TP53INP2: variants seen among roughly 807,000 people sequenced by gnomAD.
TP53INP2 encodes tumor protein p53 inducible nuclear protein 2, also known as tumor protein p53-inducible nuclear protein 2.
Under a neutral mutation model 17.1 loss-of-function variants are expected in TP53INP2, and 12 were observed. The ratio of observed to expected loss-of-function variants is 0.70; its 90% CI spans 0.45 to 1.14. The LOEUF (loss-of-function observed/expected upper bound fraction) is 1.14. Among genes scored for constraint, TP53INP2 ranks in the 50% most tolerant of loss-of-function variants. The pLI is 0.00. For missense variants in TP53INP2, 342 were observed against 330.9 expected (o/e 1.03, Z -0.26); for synonymous variants, 145 against 147.3 (o/e 0.98, Z 0.12).
Position 34,708,776 on chromosome 20 carries a change from C to T in TP53INP2, c.37C>T (p.Pro13Ser). 1 of 1,601,172 alleles carries T rather than the reference C, an allele frequency of 6.2e-7. No homozygotes were observed. The highest frequency in any genetic ancestry group is 8.5e-7 in the Non-Finnish European group (1 of 1,173,976). Reference sequence around the variant, plus strand: ...CCTCTCCAGCCTCTTCTTCAGCACCCCCTCGCCCCCCGAAGACCCCGACTG... The same window carrying T: ...CCTCTCCAGCCTCTTCTTCAGCACCTCCTCGCCCCCCGAAGACCCCGACTG... ...QRLSSLFFSTPSPPEDPDCPR... is the reference protein window; with the variant it reads ...QRLSSLFFSTSSPPEDPDCPR... The change falls in exon 3 of 5, where the codon CCC becomes TCC. Residue 13 changes from proline (P) to serine (S), a missense_variant. Pro to Ser is a moderately conservative substitution (Grantham distance 74, BLOSUM62 -1). Coordinates refer to ENST00000374810, the MANE Select transcript of TP53INP2 (RefSeq NM_021202.3).
At position 34,708,787 on chromosome 20, in the gene TP53INP2, C is replaced by G. The variant is rs1988061737; in HGVS notation, c.48C>G (p.Pro16=). 1 of 1,609,756 alleles carries G rather than the reference C, an allele frequency of 6.2e-7. No individual in the cohort carries two copies. The highest frequency in any genetic ancestry group is 1.1e-5 in the South Asian group (1 of 90,288). The change falls in exon 3 of 5, where the codon CCC becomes CCG. Residue 16 remains proline (P), a synonymous_variant. Transcript: ENST00000374810. ...SSLFFSTPSP[P]EDPDCPRAFV... Reference sequence around the variant, plus strand: ...TCTTCTTCAGCACCCCCTCGCCCCCCGAAGACCCCGACTGCCCCCGCGCCT... The same window carrying G: ...TCTTCTTCAGCACCCCCTCGCCCCCGGAAGACCCCGACTGCCCCCGCGCCT...
At chr20:34,707,366 T>G (rs1161775200) in intron 2 of TP53INP2, among the ~76,000 whole-genome samples, 1 of 152,132 alleles carries the variant, frequency 6.6e-6, no homozygotes, top group Non-Finnish European at 1.5e-5. Flanking sequence ...TGGTAGCAGT[T>G]CTATGGGATT....
In TP53INP2 at chr20:34,710,477, C is replaced by A; in HGVS notation, c.*170C>A. On this transcript the variant is annotated 3_prime_UTR_variant, in exon 5 of 5. Coordinates refer to ENST00000374810, the MANE Select transcript of TP53INP2 (RefSeq NM_021202.3). The surrounding 1 kb of genome is among the most constrained non-coding windows in gnomAD (Gnocchi z 4.9). ...CCCCATCTCTGATCCTCTAATCTGC[C>A]TCTGAACCCATTCACCCTTCACCCT... The A allele has an allele frequency of 1.4e-6, 1 of 719,890 alleles. No individual in the cohort carries two copies. Among genetic ancestry groups the A allele is most frequent in the Non-Finnish European group, 1.9e-6 (1 of 518,180 alleles). 44.6% of individuals were successfully genotyped at this position (719,890 alleles called of 1,614,324 possible). A position where few individuals can be genotyped will look rare whatever the true frequency, so the allele number is the denominator to read the frequency against.
In TP53INP2 at chr20:34,710,518, T is replaced by C. The variant is rs1988161422; in HGVS notation, c.*211T>C. On this transcript the variant is annotated 3_prime_UTR_variant, in exon 5 of 5. Transcript: ENST00000374810. This position sits in a 1 kb window ranked among gnomAD's most constrained non-coding sequence, Gnocchi z 4.9. Reference sequence around the variant, plus strand: ...CCTTCACCCTCACTCCTGGTCCCCATACCCAGCATCTAATCATCCATGCCC... The same window carrying C: ...CCTTCACCCTCACTCCTGGTCCCCACACCCAGCATCTAATCATCCATGCCC... 2 of 448,468 alleles carry C rather than the reference T, an allele frequency of 4.5e-6. No homozygotes were observed. Among genetic ancestry groups the C allele is most frequent in the East Asian group, 7.4e-5 (2 of 26,980 alleles). The allele number at this position is 448,468 out of a possible 1,614,324, so 27.8% of individuals were successfully genotyped here.
intron 2 of TP53INP2, among the ~76,000 whole-genome samples, chr20:34,706,814 C>T (rs1045787882): frequency 1.3e-5 from 2 of 152,186 alleles, no homozygotes; most frequent in African/African-American, 2.4e-5. Context: ...GAAGTCTGGA[C>T]ATGCCCCCAG....
intron 2 of TP53INP2, among the ~76,000 whole-genome samples, chr20:34,707,476 G>T (rs1313445415): frequency 6.6e-6 from 1 of 152,108 alleles, no homozygotes; most frequent in Non-Finnish European, 1.5e-5. Flanking sequence ...GAAAACCAAG[G>T]TCCTTTTTCC....
chr20:34,707,368 T>C (rs189081792), intron 2 of TP53INP2, among the ~76,000 whole-genome samples: 114 of 152,320 alleles, frequency 7.5e-4, no homozygotes, highest in Non-Finnish European at 1.4e-3. Context: ...GTAGCAGTTC[T>C]ATGGGATTTC....
rs1387298018 is a variant in TP53INP2 at position 34,709,046 on chromosome 20, G to A, written c.124+183G>A. Among the ~76,000 whole-genome samples the A allele has an allele frequency of 2.6e-5, 4 of 152,046 alleles. No individual in the cohort carries two copies. Among genetic ancestry groups the A allele is most frequent in the East Asian group, 1.9e-4 (1 of 5,138 alleles). Reference sequence around the variant, plus strand: ...CTGGCGGCCCAGGAGAGGCCCGCACGTCAGGTCCCCTAGGGCAGCAGGGCG... The same window carrying A: ...CTGGCGGCCCAGGAGAGGCCCGCACATCAGGTCCCCTAGGGCAGCAGGGCG... On this transcript the variant is annotated intron_variant, in intron 3 of 4. Transcript: ENST00000374810. This position sits in a 1 kb window ranked among gnomAD's most constrained non-coding sequence, Gnocchi z 5.4.
chr20:34,708,622 C>G, intron 2 of TP53INP2, 69 bp from the exon 3 acceptor site: 1 of 910,208 alleles, frequency 1.1e-6, no homozygotes, highest in East Asian at 2.7e-5. Context: ...TATCTTCTGG[C>G]CTCTTCCCCA....
chr20:34,708,034 T>A (rs1988039508), intron 2 of TP53INP2, among the ~76,000 whole-genome samples: 1 of 152,168 alleles, frequency 6.6e-6, no homozygotes, highest in South Asian at 2.1e-4. Context: ...GTGCTGGGAT[T>A]ACAGGCGTGA....
At chr20:34,707,605 T>G (rs1988031107) in intron 2 of TP53INP2, among the ~76,000 whole-genome samples, 1 of 152,172 alleles carries the variant, frequency 6.6e-6, no homozygotes, top group Non-Finnish European at 1.5e-5. Context: ...TGGAATCTGA[T>G]TGTGTGGATT....
At chr20:34,707,367 C>T (rs1988026896) in intron 2 of TP53INP2, among the ~76,000 whole-genome samples, 1 of 152,196 alleles carries the variant, frequency 6.6e-6, no homozygotes, top group African/African-American at 2.4e-5. Flanking sequence ...GGTAGCAGTT[C>T]TATGGGATTT....
At chr20:34,708,284 C>T (rs1011226478) in intron 2 of TP53INP2, among the ~76,000 whole-genome samples, 5 of 152,160 alleles carry the variant, frequency 3.3e-5, no homozygotes, top group African/African-American at 1.2e-4. Context: ...GTTCTAAGCA[C>T]TTTATAAGTG....
chr20:34,708,956 G>C, intron 3 of TP53INP2, 93 bp downstream of exon 3: 1 of 1,521,948 alleles, frequency 6.6e-7, no homozygotes, highest in Non-Finnish European at 8.9e-7. Context: ...GGGGACGGGG[G>C]AGTCCCCCAA....
chr20:34,708,956 G>A (rs1988069587), intron 3 of TP53INP2, 93 bp downstream of exon 3: 1 of 1,521,948 alleles, frequency 6.6e-7, no homozygotes. Flanking sequence ...GGGGACGGGG[G>A]AGTCCCCCAA....
chr20:34,713,048 A>G lies in TP53INP2; in HGVS notation c.*2741A>G, dbSNP rs1988247634. 1 of 152,616 alleles carries G rather than the reference A, an allele frequency of 6.6e-6. No individual in the cohort carries two copies. Among genetic ancestry groups the G allele is most frequent in the African/African-American group, 2.4e-5 (1 of 41,380 alleles). 9.5% of individuals were successfully genotyped at this position (152,616 alleles called of 1,614,324 possible). ...GGAACCCTCTGAGCAACTTGCTCTG[A>G]CCTATAATGTCTTAGGTGCAACACG... On this transcript the variant is annotated 3_prime_UTR_variant, in exon 5 of 5. Coordinates refer to ENST00000374810, the MANE Select transcript of TP53INP2 (RefSeq NM_021202.3).
chr20:34,709,335 C>T lies in TP53INP2; in HGVS notation c.224C>T (p.Pro75Leu), dbSNP rs769906768. 20 of 1,613,554 alleles carry T rather than the reference C, an allele frequency of 1.2e-5. No individual in the cohort carries two copies. Among genetic ancestry groups the T allele is most frequent in the Admixed American group, 5.0e-5 (3 of 60,026 alleles). Reference sequence around the variant, plus strand: ...ATGGACGAGAGCTGGTTTGTTACCCCTCCCGCCTGTTTTACGGCAGAGGGG... The same window carrying T: ...ATGGACGAGAGCTGGTTTGTTACCCTTCCCGCCTGTTTTACGGCAGAGGGG... ...SLMDESWFVT[P>L]PACFTAEGPG... The change falls in exon 4 of 5, where the codon CCT (proline) becomes CTT (leucine). Residue 75 changes from proline (P) to leucine (L), a missense_variant. Coordinates refer to ENST00000374810, the MANE Select transcript of TP53INP2 (RefSeq NM_021202.3). The surrounding 1 kb of genome is among the most constrained non-coding windows in gnomAD (Gnocchi z 5.4).
intron 2 of TP53INP2, among the ~76,000 whole-genome samples, chr20:34,707,764 C>G (rs771565575): frequency 6.6e-6 from 1 of 152,148 alleles, no homozygotes; most frequent in Non-Finnish European, 1.5e-5. Context: ...GGTAAAGCTG[C>G]TTAGCATAGT....
rs1988082161 is a variant in TP53INP2, at chr20:34,709,194, C to CA, written c.125-42_125-41insA. 4 of 1,509,514 alleles carry CA rather than the reference C, an allele frequency of 2.6e-6. No homozygotes were observed. In the African/African-American group the frequency reaches 5.6e-5, roughly 21 times the overall value. 93.5% of individuals were successfully genotyped at this position (1,509,514 alleles called of 1,614,324 possible). A position where few individuals can be genotyped will look rare whatever the true frequency, so the allele number is the denominator to read the frequency against. ...GTGTGTGTGTGTGTGTGCCTCCTCG[C>CA]TGCTCCCCTCCTCTGCACGGCTCCC... On this transcript the variant is annotated intron_variant, in intron 3 of 4. Coordinates refer to ENST00000374810, the MANE Select transcript of TP53INP2 (RefSeq NM_021202.3). The surrounding 1 kb of genome is among the most constrained non-coding windows in gnomAD (Gnocchi z 5.4).
Sources: allele counts gnomAD v4.1 joint callset (sites outside exome capture counted in the v4.1 genomes callset), GRCh38; gene constraint gnomAD v4.1.1; non-coding constraint Gnocchi (gnomAD v3.1); transcripts MANE v1.5; gene names NCBI Gene and HGNC (gene_info 2026-07-23, HGNC 2026-07-21).